Variants in GPAM observed in about 807,000 individuals in gnomAD.
The protein encoded by GPAM is glycerol-3-phosphate acyltransferase 1, mitochondrial.
GPAM carries 56 observed loss-of-function variants against 105.0 expected under a neutral mutation model. That is an observed-to-expected ratio of 0.53 (90% CI 0.43 to 0.67). GPAM has a LOEUF of 0.67. Among genes scored for constraint, GPAM ranks in the 30% least tolerant of loss-of-function variants. GPAM has a pLI of 0.00. For synonymous variants in GPAM, 368 were observed against 354.4 expected (o/e 1.04, Z -0.43); for missense variants, 855 against 989.8 (o/e 0.86, Z 1.83).
chr10:112,151,089 T>A lies in GPAM; in HGVS notation c.*2461A>T. On this transcript the variant is annotated 3_prime_UTR_variant, in exon 22 of 22. Transcript: ENST00000348367. The stretch of plus-strand genomic sequence containing the variant: ...GACATTCTCATTTTCAAAAACAGAC[T>A]GCAGTTTCATGTTGTTTAATATTGT... The A allele has an allele frequency of 1.0e-6, 1 of 982,932 alleles. No homozygotes were observed. The allele number at this position is 982,932 out of a possible 1,614,324, so 60.9% of individuals were successfully genotyped here. A position where few individuals can be genotyped will look rare whatever the true frequency, so the allele number is the denominator to read the frequency against.
chr10:112,176,865 A>G (rs138055627), intron 5 of GPAM, among the ~76,000 whole-genome samples: 10 of 152,360 alleles, frequency 6.6e-5, no homozygotes, highest in Admixed American at 6.5e-4. Flanking sequence ...ATAGCTGAAC[A>G]TGCAGCTTAT....
At chr10:112,218,827 T>C (rs9645550), upstream of GPAM, among the ~76,000 whole-genome samples, 13,358 of 152,278 alleles carry the variant, frequency 0.088, 638 homozygotes, top group Middle Eastern at 0.19. Flanking sequence ...TAAACTGTCA[T>C]GGTGCACGTG....
intron 1 of GPAM, among the ~76,000 whole-genome samples, chr10:112,208,073 T>G (rs1050796203): frequency 6.6e-6 from 1 of 152,238 alleles, no homozygotes; most frequent in East Asian, 1.9e-4. Flanking sequence ...TCCAGTGCCC[T>G]GGACCATGTC....
At chr10:112,174,233 T>A (rs144529718) in intron 6 of GPAM, among the ~76,000 whole-genome samples, 5 of 152,220 alleles carry the variant, frequency 3.3e-5, no homozygotes, top group Admixed American at 6.5e-5. Context: ...AATTAATGTG[T>A]GATTTTTCTT....
At chr10:112,213,221 A>C (rs1847932146) in intron 1 of GPAM, among the ~76,000 whole-genome samples, 1 of 152,148 alleles carries the variant, frequency 6.6e-6, no homozygotes, top group Non-Finnish European at 1.5e-5. Context: ...TCAGCCCTAG[A>C]GTGGTCATGA....
chr10:112,163,541 A>T (rs1448174347), intron 14 of GPAM, among the ~76,000 whole-genome samples, 160 bp downstream of exon 14: 3 of 152,232 alleles, frequency 2.0e-5, no homozygotes, highest in African/African-American at 4.8e-5. Context: ...AATTATCTCA[A>T]ATCCTCACGG....
At chr10:112,194,027 T>C (rs1342004918) in intron 1 of GPAM, among the ~76,000 whole-genome samples, 5 of 152,206 alleles carry the variant, frequency 3.3e-5, no homozygotes, top group Non-Finnish European at 7.3e-5. Context: ...AACGTCTTAG[T>C]CTTGAAACAA....
Position 112,151,983 on chromosome 10 carries a change from C to T in GPAM, c.*1567G>A, listed in dbSNP as rs1846927860. 1 of 978,014 alleles carries T rather than the reference C, an allele frequency of 1.0e-6. No individual in the cohort carries two copies. The highest frequency in any genetic ancestry group is 1.2e-6 in the Non-Finnish European group (1 of 823,224). 60.6% of individuals were successfully genotyped at this position (978,014 alleles called of 1,614,324 possible). On this transcript the variant is annotated 3_prime_UTR_variant, in exon 22 of 22. Transcript: ENST00000348367. ...ATGCAGAACTTGAGAGGGATCACAACAGCATAGCATTATTGCTATGAGTTT... is the reference window on the plus strand; with the variant it reads ...ATGCAGAACTTGAGAGGGATCACAATAGCATAGCATTATTGCTATGAGTTT...
intron 1 of GPAM, among the ~76,000 whole-genome samples, chr10:112,204,645 A>G (rs1347763734): frequency 1.3e-5 from 2 of 151,660 alleles, no homozygotes; most frequent in African/African-American, 2.4e-5. Context: ...GAATCAAAAC[A>G]GGCTGTGGGC....
intron 1 of GPAM, among the ~76,000 whole-genome samples, chr10:112,189,057 T>C (rs1271469147): frequency 1.3e-5 from 2 of 152,246 alleles, no homozygotes; most frequent in African/African-American, 2.4e-5. Flanking sequence ...TACCCATGTA[T>C]AATAGCATTG....
intron 20 of GPAM, chr10:112,155,152 A>C (rs1254357033): frequency 5.0e-6 from 1 of 199,632 alleles, no homozygotes; most frequent in Non-Finnish European, 1.0e-5. Context: ...ATTAATTAGC[A>C]GTGTGACCTG....
chr10:112,151,006 T>C lies in GPAM; in HGVS notation c.*2544A>G. The C allele has an allele frequency of 6.1e-6, 6 of 985,822 alleles. No individual in the cohort carries two copies. The highest frequency in any genetic ancestry group is 7.2e-6 in the Non-Finnish European group (6 of 829,898). 61.1% of individuals were successfully genotyped at this position (985,822 alleles called of 1,614,324 possible). On this transcript the variant is annotated 3_prime_UTR_variant, in exon 22 of 22. Transcript: ENST00000348367. ...ACACATTTCCCACTAGTTTTTGCCT[T>C]TGTTTTTCATGCATTTTCAGAGTGC...
intron 4 of GPAM, among the ~76,000 whole-genome samples, chr10:112,179,478 A>T (rs1847467509): frequency 6.6e-6 from 1 of 152,244 alleles, no homozygotes; most frequent in African/African-American, 2.4e-5. Context: ...GAATTCTACC[A>T]AATTCTTGCA....
chr10:112,154,630 C>T lies in GPAM; in HGVS notation c.2369G>A (p.Gly790Glu), dbSNP rs1452940290. The change falls in exon 21 of 22, where the codon GGG becomes GAG. Residue 790 changes from glycine (G) to glutamate (E), a missense_variant and splice_region_variant. Gly to Glu is a moderately conservative substitution (Grantham distance 98). Coordinates refer to ENST00000348367, the MANE Select transcript of GPAM (RefSeq NM_001244949.2). ...KNAVKMFKDI[G>E]VFKETKQKRV... Reference sequence around the variant, plus strand: ...ATACCATAAATGGTGGACACCTACCCCAATATCCTTAAACATTTTCACAGC... The same window carrying T: ...ATACCATAAATGGTGGACACCTACCTCAATATCCTTAAACATTTTCACAGC... 6.3e-7 allele frequency: 1 copy of T among 1,590,410 alleles called. No homozygotes were observed. Among genetic ancestry groups the T allele is most frequent in the South Asian group, 1.1e-5 (1 of 90,630 alleles).
In GPAM at chr10:112,156,036, C is replaced by T. The variant is rs770336913; in HGVS notation, c.2139G>A (p.Glu713=). The T allele has an allele frequency of 6.2e-7, 1 of 1,612,428 alleles. No homozygotes were observed. Among genetic ancestry groups the T allele is most frequent in the South Asian group, 1.1e-5 (1 of 90,976 alleles). ...GTAAGAAGGTGATAAACTGCTGGTG[C>T]TCCTTGGATTGGCTCACCTGAGTGT... ...DCYLKVSQSK[E]HQQFITFLQR... Residue 713 remains glutamate, a synonymous_variant, in exon 20 of 22, where the codon GAG becomes GAA. Transcript: ENST00000348367.
In GPAM at chr10:112,213,820, G is replaced by A. The variant is rs182364512; in HGVS notation, n.210+1348C>T. Reference sequence around the variant, plus strand: ...TGGTGAGACAGAGGTAGAGAAGGATGAGAAAAGAGGCCCAAGAGGCACACA... The same window carrying A: ...TGGTGAGACAGAGGTAGAGAAGGATAAGAAAAGAGGCCCAAGAGGCACACA... On this transcript the variant is annotated intron_variant and non_coding_transcript_variant, in intron 1 of 3. Coordinates refer to the GPAM transcript ENST00000480130. 8.5e-4 allele frequency among the ~76,000 whole-genome samples: 129 copies of A among 152,242 alleles called. 1 individual carries two copies. The highest frequency in any genetic ancestry group is 2.8e-3 in the African/African-American group (118 of 41,526).
At chr10:112,175,744 G>A (rs1402594822) in intron 5 of GPAM, 31 bp from the exon 6 acceptor site, 5 of 1,323,984 alleles carry the variant, frequency 3.8e-6, no homozygotes, top group East Asian at 4.6e-5. Flanking sequence ...AGAAGTATTA[G>A]AGGTACCCCT....
At position 112,150,511 on chromosome 10, in the gene GPAM, T is replaced by C; in HGVS notation, c.*3039A>G. 1.0e-6 allele frequency: 1 copy of C among 985,250 alleles called. No homozygotes were observed. The highest frequency in any genetic ancestry group is 1.2e-6 in the Non-Finnish European group (1 of 829,410). 61.0% of individuals were successfully genotyped at this position (985,250 alleles called of 1,614,324 possible). On this transcript the variant is annotated 3_prime_UTR_variant, in exon 22 of 22. Coordinates refer to ENST00000348367, the MANE Select transcript of GPAM (RefSeq NM_001244949.2). The stretch of plus-strand genomic sequence containing the variant: ...CACTGGACGTTACAAAATGCATGCA[T>C]ATTCTGCCCCAGTGCTATCTGTTCA...
chr10:112,157,294 A>G lies in GPAM; in HGVS notation c.2076T>C (p.Asp692=). ...GTTCCTCCCCAAAGTCACTGTCTTCATCTTCTTCATCACTTCTCCAAGACA... is the reference window on the plus strand; with the variant it reads ...GTTCCTCCCCAAAGTCACTGTCTTCGTCTTCTTCATCACTTCTCCAAGACA... ...EPLSWRSDEE[D]EDSDFGEEQR... Residue 692 remains aspartate (D), a synonymous_variant, in exon 19 of 22, where the codon GAT becomes GAC. Transcript: ENST00000348367. The G allele has an allele frequency of 6.2e-7, 1 of 1,613,824 alleles. No individual in the cohort carries two copies. The highest frequency in any genetic ancestry group is 8.5e-7 in the Non-Finnish European group (1 of 1,179,682).
Sources: gnomAD v4.1 joint callset for allele counts (sites outside exome capture counted in the v4.1 genomes callset) on GRCh38, gnomAD v4.1.1 for gene constraint, MANE v1.5 for transcripts, NCBI Gene and HGNC (gene_info 2026-07-23, HGNC 2026-07-21) for gene names.